The following DCLK1 variants were observed in gnomAD, a reference collection of about 807,000 sequenced individuals.
DCLK1 encodes doublecortin like kinase 1.
A neutral mutation model predicts 86.2 loss-of-function variants in DCLK1; 16 were observed. That is an observed-to-expected ratio of 0.19 (90% CI 0.13 to 0.28). DCLK1 has a LOEUF of 0.28. Ranked by LOEUF, DCLK1 falls within the 10% of genes least tolerant of loss-of-function variation. The pLI is 1.00. For missense variants in DCLK1, 590 were observed against 940.2 expected, an observed-to-expected ratio of 0.63 and a Z score of 4.87; for synonymous variants, 369 against 370.5, an observed-to-expected ratio of 1.00 and a Z score of 0.05.
At chr13:36,064,436 G>A (rs745626843) in intron 3 of DCLK1, among the ~76,000 whole-genome samples, 5 of 152,124 alleles carry the variant, frequency 3.3e-5, no homozygotes, top group East Asian at 1.9e-4. Context: ...TGAGGTTGGC[G>A]GATCACGAGG....
chr13:35,880,453 A>G (rs190933257), intron 4 of DCLK1, among the ~76,000 whole-genome samples: 10 of 152,206 alleles, frequency 6.6e-5, no homozygotes, highest in Non-Finnish European at 1.5e-4. Flanking sequence ...TTTGGAAACA[A>G]CTCCAAAATG....
At chr13:35,929,016 G>A (rs372595559) in intron 4 of DCLK1, among the ~76,000 whole-genome samples, 26 of 152,100 alleles carry the variant, frequency 1.7e-4, no homozygotes, top group African/African-American at 3.9e-4. Context: ...TGCAAGCTCC[G>A]CCTCCCAGGT....
intron 4 of DCLK1, among the ~76,000 whole-genome samples, chr13:35,944,055 T>C (rs1170611678): frequency 6.6e-6 from 1 of 152,228 alleles, no homozygotes; most frequent in African/African-American, 2.4e-5. Context: ...ATTTTCCGAA[T>C]GTGCAAACTT....
chr13:36,005,542 C>T (rs560206378), intron 3 of DCLK1, among the ~76,000 whole-genome samples: 18 of 152,246 alleles, frequency 1.2e-4, no homozygotes, highest in Admixed American at 4.6e-4. Context: ...AACATGCTTT[C>T]GAAGGATATC....
rs538834653 is a variant in DCLK1 at position 35,775,046 on chromosome 13, G to T, written c.2059-347C>A. On this transcript the variant is annotated intron_variant, in intron 16 of 16. Transcript: ENST00000360631. The stretch of plus-strand genomic sequence containing the variant: ...ACACTCCCACCTTCTCTGAAAAGGG[G>T]TGCCTGAGTCCTGTGTGTAAAAATG... Among the ~76,000 whole-genome samples the T allele has an allele frequency of 3.9e-5, 6 of 152,236 alleles. No homozygotes were observed. The East Asian group carries it at 9.7e-4, about 25-fold the overall frequency.
At chr13:36,011,914 T>C (rs1881289316) in intron 3 of DCLK1, among the ~76,000 whole-genome samples, 2 of 150,496 alleles carry the variant, frequency 1.3e-5, no homozygotes, top group South Asian at 4.2e-4. Flanking sequence ...GGTGCTCCTG[T>C]ATTGGGTGCA....
chr13:35,885,044 G>A (rs1455212101), intron 4 of DCLK1, among the ~76,000 whole-genome samples: 2 of 152,116 alleles, frequency 1.3e-5, no homozygotes, highest in African/African-American at 2.4e-5. Flanking sequence ...GGTAGAAGGA[G>A]GGGCTCCTAT....
At chr13:36,052,471 T>C (rs975328912) in intron 3 of DCLK1, among the ~76,000 whole-genome samples, 1 of 152,144 alleles carries the variant, frequency 6.6e-6, no homozygotes, top group African/African-American at 2.4e-5. Flanking sequence ...AATAAAAATA[T>C]AGAAATGACC....
At chr13:35,838,345 G>A (rs1869545159) in intron 7 of DCLK1, among the ~76,000 whole-genome samples, 1 of 152,136 alleles carries the variant, frequency 6.6e-6, no homozygotes, top group Admixed American at 6.5e-5. Flanking sequence ...TTTAAAACAA[G>A]TAAGAGAAGC....
At chr13:35,967,116 G>A (rs1318935629) in intron 3 of DCLK1, among the ~76,000 whole-genome samples, 23 of 148,010 alleles carry the variant, frequency 1.6e-4, no homozygotes, top group African/African-American at 4.8e-4. Flanking sequence ...CTGCCTCGCC[G>A]CCCCATCTGA....
chr13:36,094,626 G>A (rs1884939538), intron 3 of DCLK1, among the ~76,000 whole-genome samples: 1 of 152,148 alleles, frequency 6.6e-6, no homozygotes, highest in African/African-American at 2.4e-5. Context: ...AGTTTTTAAA[G>A]GGTATTAAGA....
intron 3 of DCLK1, among the ~76,000 whole-genome samples, chr13:35,957,299 G>C (rs979989325): frequency 1.4e-4 from 21 of 152,144 alleles, no homozygotes; most frequent in African/African-American, 4.8e-4. Flanking sequence ...TCCTCAGATA[G>C]AGTCAGGATT....
chr13:35,879,439 ACTGTT>A (rs2153116232), intron 4 of DCLK1, among the ~76,000 whole-genome samples: 1 of 152,304 alleles, frequency 6.6e-6, no homozygotes, highest in African/African-American at 2.4e-5. Context: ...GCTCAGATCT[ACTGTT>A]CTGATAGTAT....
rs1886158264 is a variant in DCLK1 at position 36,125,901 on chromosome 13, G to A, written c.237C>T (p.Asp79=). ...FKGIVYAISP[D]RFRSFEALLA... ...GCAGGGCCTCAAAAGATCGGAACCG[G>A]TCTGGGGAGATGGCATACACAATCC... The change falls in exon 2 of 17, where the codon GAC becomes GAT. Residue 79 remains aspartate (D), a synonymous_variant. Transcript: ENST00000360631. 1 of 1,614,090 alleles carries A rather than the reference G, an allele frequency of 6.2e-7. No homozygotes were observed. Among genetic ancestry groups the A allele is most frequent in the African/African-American group, 1.3e-5 (1 of 74,940 alleles).
intron 13 of DCLK1, 144 bp from the exon 14 acceptor site, chr13:35,808,464 T>C (rs533345251): frequency 1.3e-6 from 1 of 750,444 alleles, no homozygotes; most frequent in Non-Finnish European, 2.2e-6. Flanking sequence ...AAAATGTCAA[T>C]GTGGATCTGT....
At chr13:36,027,771 C>T (rs566802824) in intron 3 of DCLK1, among the ~76,000 whole-genome samples, 1 of 152,292 alleles carries the variant, frequency 6.6e-6, no homozygotes, top group African/African-American at 2.4e-5. Context: ...CTTGCTCTGT[C>T]CCCCAGGCTG....
At chr13:36,130,073 C>T (rs565100305) in intron 1 of DCLK1, among the ~76,000 whole-genome samples, 2 of 152,246 alleles carry the variant, frequency 1.3e-5, no homozygotes, top group Admixed American at 6.5e-5. Context: ...TGAAATAAAA[C>T]GCACACATAC....
chr13:35,944,042 G>A (rs1407839863), intron 4 of DCLK1, among the ~76,000 whole-genome samples: 1 of 152,168 alleles, frequency 6.6e-6, no homozygotes, highest in Admixed American at 6.5e-5. Context: ...CAAGGAAGGT[G>A]TTATTTTCCG....
intron 6 of DCLK1, among the ~76,000 whole-genome samples, chr13:35,851,304 A>C (rs904806153): frequency 6.6e-6 from 1 of 151,916 alleles, no homozygotes; most frequent in African/African-American, 2.4e-5. Context: ...AAATTAACCC[A>C]CCTCACCCCA....
Sources: gnomAD v4.1 joint callset for allele counts (sites outside exome capture counted in the v4.1 genomes callset) on GRCh38, gnomAD v4.1.1 for gene constraint, MANE v1.5 for transcripts, NCBI Gene and HGNC (gene_info 2026-07-23, HGNC 2026-07-21) for gene names.